Variants in HAAO observed in about 807,000 individuals in gnomAD.
The protein encoded by HAAO is 3-hydroxyanthranilate oxygenase.
A neutral mutation model predicts 46.2 loss-of-function variants in HAAO; 49 were observed. The ratio of observed to expected loss-of-function variants is 1.06; its 90% confidence interval spans 0.84 to 1.34. The LOEUF (loss-of-function observed/expected upper bound fraction) is 1.34. HAAO is among the 40% of genes most tolerant of loss of function. The probability of loss-of-function intolerance (pLI) is 0.00; values close to 1 mark genes in which losing one functional copy is unlikely to be tolerated. For missense variants in HAAO, 408 were observed against 364.5 expected, an observed-to-expected ratio of 1.12 and a Z score of -0.97; for synonymous variants, 157 against 145.2, an observed-to-expected ratio of 1.08 and a Z score of -0.58.
chr2:42,789,343 G>A (rs1390539711), intron 1 of HAAO, among the ~76,000 whole-genome samples: 1 of 152,180 alleles, frequency 6.6e-6, no homozygotes, highest in Non-Finnish European at 1.5e-5. Context: ...CACTTTGAGA[G>A]GCAGAGGCGG....
At chr2:42,786,243 G>T (rs1672376379) in intron 2 of HAAO, among the ~76,000 whole-genome samples, 1 of 152,172 alleles carries the variant, frequency 6.6e-6, no homozygotes, top group South Asian at 2.1e-4. Flanking sequence ...TCTTCCCTGT[G>T]ATGAGGGGCA....
intron 3 of HAAO, 100 bp downstream of exon 3, chr2:42,783,684 A>C: frequency 1.0e-6 from 1 of 1,001,620 alleles, no homozygotes; most frequent in Non-Finnish European, 1.5e-6. Context: ...AGGAAAAGGT[A>C]GGGAGGACAA....
intron 7 of HAAO, 127 bp downstream of exon 7, chr2:42,769,579 GTGTGTGT>G: frequency 6.6e-6 from 1 of 152,140 alleles, no homozygotes; most frequent in Non-Finnish European, 1.0e-5. Flanking sequence ...ATGTGTGTGT[GTGTGTGT>G]GTGTGTGTGT....
Position 42,783,344 on chromosome 2 carries a change from C to T in HAAO, c.320G>A (p.Arg107Lys). 6.2e-7 allele frequency: 1 copy of T among 1,612,920 alleles called. No individual in the cohort carries two copies. Among genetic ancestry groups the T allele is most frequent in the Admixed American group, 1.7e-5 (1 of 59,916 alleles). Residue 107 changes from arginine (R) to lysine (K), a missense_variant, in exon 4 of 10, where the codon AGG becomes AAG. Arg to Lys is a conservative substitution (Grantham distance 26). Transcript: ENST00000294973. ...ANTVGLVVER[R>K]RLETELDGLR... ...CCCATCTAGCTCGGTCTCCAGCCGC[C>T]TTCGCTCAACCACCAGCCCCACGGT... is the stretch of plus-strand genomic sequence containing the variant.
At chr2:42,780,832 C>G (rs1671933746) in intron 4 of HAAO, among the ~76,000 whole-genome samples, 1 of 149,698 alleles carries the variant, frequency 6.7e-6, no homozygotes, top group Non-Finnish European at 1.5e-5. Context: ...CTTTGGGAGG[C>G]CAAGGCGGGT....
intron 7 of HAAO, among the ~76,000 whole-genome samples, chr2:42,768,725 C>T (rs1283755980): frequency 1.3e-5 from 2 of 152,206 alleles, no homozygotes; most frequent in African/African-American, 4.8e-5. Flanking sequence ...AGAAACACCA[C>T]TCTGGCCTGT....
chr2:42,772,887 G>T (rs944043341), intron 4 of HAAO, among the ~76,000 whole-genome samples: 1 of 143,466 alleles, frequency 7.0e-6, no homozygotes, highest in South Asian at 2.2e-4. Flanking sequence ...TAATGATCAC[G>T]CCACTGCATT....
At chr2:42,786,992 G>C (rs1046394653) in intron 2 of HAAO, among the ~76,000 whole-genome samples, 1 of 152,098 alleles carries the variant, frequency 6.6e-6, no homozygotes, top group East Asian at 1.9e-4. Context: ...AGAGGAGGCC[G>C]ACCCTCAGCC....
At chr2:42,778,830 G>C (rs55948338) in intron 4 of HAAO, among the ~76,000 whole-genome samples, 2 of 152,052 alleles carry the variant, frequency 1.3e-5, no homozygotes, top group African/African-American at 4.8e-5. Context: ...TCAGTTTCTC[G>C]CTGGGTGTGG....
At chr2:42,777,631 C>G (rs922330767) in intron 4 of HAAO, among the ~76,000 whole-genome samples, 1 of 152,020 alleles carries the variant, frequency 6.6e-6, no homozygotes, top group Non-Finnish European at 1.5e-5. Context: ...TAAATAATGA[C>G]AATCACAATT....
chr2:42,787,803 T>C (rs1672499565), intron 2 of HAAO, among the ~76,000 whole-genome samples: 1 of 152,176 alleles, frequency 6.6e-6, no homozygotes, highest in Non-Finnish European at 1.5e-5. Flanking sequence ...CCAGAGGAGA[T>C]TCTGTGTCTC....
Position 42,769,741 on chromosome 2 carries a change from C to A in HAAO, c.602G>T (p.Ser201Ile). ...HRELQAGTPL[S>I]LFGDTYETQV... ...GGTCTCATAGGTGTCCCCAAACAGG[C>A]TGAGTGGTGTGCCTGCCTGCAGCTC... The change falls in exon 7 of 10, where the codon AGC (serine) becomes ATC (isoleucine). Residue 201 changes from serine (S) to isoleucine (I), a missense_variant. Physicochemically the swap from Ser to Ile is moderately radical, Grantham distance 142. Coordinates refer to ENST00000294973, the MANE Select transcript of HAAO (RefSeq NM_012205.3). 1 of 1,613,366 alleles carries A rather than the reference C, an allele frequency of 6.2e-7. No homozygotes were observed. Among genetic ancestry groups the A allele is most frequent in the South Asian group, 1.1e-5 (1 of 90,920 alleles).
At chr2:42,783,235 A>G in intron 4 of HAAO, 79 bp downstream of exon 4, 1 of 838,228 alleles carries the variant, frequency 1.2e-6, no homozygotes, top group South Asian at 1.5e-5. Flanking sequence ...TCTATCTAGG[A>G]TCCCTTCAGC....
At chr2:42,771,873 T>A (rs1671155063) in intron 4 of HAAO, among the ~76,000 whole-genome samples, 1 of 152,256 alleles carries the variant, frequency 6.6e-6, no homozygotes, top group South Asian at 2.1e-4. Flanking sequence ...CTAAATCCTA[T>A]CCTGGGATGG....
At position 42,767,765 on chromosome 2, in the gene HAAO, C is replaced by T; in HGVS notation, c.700-88G>A. ...CTGAGTCTGCCTGGGCCCCAAGGCCCCAAGAGTGGGCCCCGTGTGGGAGCC... is the reference window on the plus strand; with the variant it reads ...CTGAGTCTGCCTGGGCCCCAAGGCCTCAAGAGTGGGCCCCGTGTGGGAGCC... On this transcript the variant is annotated intron_variant, in intron 8 of 9. Coordinates refer to ENST00000294973, the MANE Select transcript of HAAO (RefSeq NM_012205.3). The T allele has an allele frequency of 1.9e-6, 3 of 1,546,294 alleles. No individual in the cohort carries two copies. In the South Asian group the frequency reaches 3.3e-5, roughly 17 times the overall value.
chr2:42,778,559 ACCT>A (rs1199832708), intron 4 of HAAO, among the ~76,000 whole-genome samples: 1 of 152,014 alleles, frequency 6.6e-6, no homozygotes, highest in Admixed American at 6.6e-5. Flanking sequence ...TGAAACTCTG[ACCT>A]CATGATTTGC....
intron 2 of HAAO, among the ~76,000 whole-genome samples, chr2:42,786,825 A>C (rs1260773652): frequency 2.0e-5 from 3 of 152,242 alleles, no homozygotes; most frequent in African/African-American, 7.2e-5. Flanking sequence ...AGTGAGGAGG[A>C]AAGTGTGGTT....
intron 1 of HAAO, among the ~76,000 whole-genome samples, chr2:42,791,256 T>A (rs1672777219): frequency 6.6e-6 from 1 of 151,612 alleles, no homozygotes; most frequent in Non-Finnish European, 1.5e-5. Flanking sequence ...GAGGTGGGCG[T>A]GGTACAGCAG....
At chr2:42,791,887 G>GCTA (rs1672826535) in intron 1 of HAAO, among the ~76,000 whole-genome samples, 1 of 141,054 alleles carries the variant, frequency 7.1e-6, no homozygotes, top group Non-Finnish European at 1.5e-5. Context: ...GCAGGCAGAG[G>GCTA]CTACTGGCAG....
Sources: allele counts gnomAD v4.1 joint callset (sites outside exome capture counted in the v4.1 genomes callset), GRCh38; gene constraint gnomAD v4.1.1; transcripts MANE v1.5; gene names NCBI Gene and HGNC (gene_info 2026-07-23, HGNC 2026-07-21).